Variants in CHODL observed in about 807,000 individuals in gnomAD.
The protein encoded by CHODL is chondrolectin.
In CHODL, 29 loss-of-function variants were observed where a neutral mutation model predicts 34.5. That is an observed-to-expected ratio of 0.84 (90% confidence interval 0.63 to 1.15). The LOEUF (loss-of-function observed/expected upper bound fraction) is 1.15, where lower values mean the gene tolerates loss of function less well. Among genes scored for constraint, CHODL ranks in the 50% most tolerant of loss-of-function variants. The pLI, the probability that CHODL is intolerant of heterozygous loss-of-function variation, is 0.00. For synonymous variants in CHODL, 125 were observed against 116.1 expected (o/e 1.08, Z -0.49); for missense variants, 332 against 332.5 (o/e 1.00, Z 0.01).
At chr21:18,082,112 G>A (rs368419301) in intron 2 of CHODL, among the ~76,000 whole-genome samples, 6 of 152,144 alleles carry the variant, frequency 3.9e-5, no homozygotes, top group South Asian at 4.1e-4. Flanking sequence ...TGATTGAATC[G>A]TGGGAGCAGA....
At chr21:18,070,542 T>C (rs2064790958) in intron 2 of CHODL, among the ~76,000 whole-genome samples, 1 of 152,186 alleles carries the variant, frequency 6.6e-6, no homozygotes, top group Non-Finnish European at 1.5e-5. Context: ...CTGCCTGCCT[T>C]TTGCTCAGCA....
intron 1 of CHODL, among the ~76,000 whole-genome samples, chr21:17,928,899 A>G (rs936310555): frequency 6.6e-6 from 1 of 152,230 alleles, no homozygotes; most frequent in African/African-American, 2.4e-5. Flanking sequence ...TCTGTATTTC[A>G]ATTTTTATTC....
At chr21:18,220,402 G>A (rs2073871302) in intron 2 of CHODL, among the ~76,000 whole-genome samples, 1 of 151,904 alleles carries the variant, frequency 6.6e-6, no homozygotes, top group African/African-American at 2.4e-5. Context: ...ATTTTTGTTT[G>A]TTTCTTTCTT....
At chr21:18,201,794 TA>T (rs1197038266) in intron 2 of CHODL, among the ~76,000 whole-genome samples, 2 of 148,834 alleles carry the variant, frequency 1.3e-5, no homozygotes, top group African/African-American at 2.5e-5. Context: ...TTCATATTTT[TA>T]AAAACTTTTT....
At chr21:17,959,273 T>C (rs2063514972) in intron 1 of CHODL, among the ~76,000 whole-genome samples, 1 of 152,158 alleles carries the variant, frequency 6.6e-6, no homozygotes, top group South Asian at 2.1e-4. Flanking sequence ...AATAACATGG[T>C]AATGAATCCA....
chr21:18,138,431 C>T (rs912960975), intron 2 of CHODL, among the ~76,000 whole-genome samples: 2 of 152,170 alleles, frequency 1.3e-5, no homozygotes, highest in African/African-American at 4.8e-5. Context: ...AATTCCTACT[C>T]ACCTCCTGTT....
At chr21:17,963,314 C>G (rs2254434) in intron 1 of CHODL, among the ~76,000 whole-genome samples, 9 of 152,024 alleles carry the variant, frequency 5.9e-5, no homozygotes, top group African/African-American at 2.2e-4. Context: ...AAAAATGATA[C>G]TAGAAGAAGG....
intron 2 of CHODL, among the ~76,000 whole-genome samples, chr21:18,036,186 T>C (rs1213347497): frequency 6.6e-6 from 1 of 152,014 alleles, no homozygotes; most frequent in Non-Finnish European, 1.5e-5. Context: ...GCAATACCTT[T>C]CTGAGTACTC....
chr21:18,222,214 G>T (rs1315200402), intron 2 of CHODL, among the ~76,000 whole-genome samples: 3 of 152,146 alleles, frequency 2.0e-5, no homozygotes, highest in Non-Finnish European at 2.9e-5. Flanking sequence ...GAGCCTCCCT[G>T]ATGTGCTGGA....
intron 2 of CHODL, among the ~76,000 whole-genome samples, chr21:18,097,419 C>T (rs1466976764): frequency 1.3e-5 from 2 of 152,052 alleles, no homozygotes; most frequent in Non-Finnish European, 2.9e-5. Context: ...AGCATTTCTA[C>T]ATGCCAACAG....
At position 18,117,668 on chromosome 21, in the gene CHODL, TC is replaced by T. The variant is rs1313686057; in HGVS notation, c.-45+89698del. Among the ~76,000 whole-genome samples, 14 of 152,004 alleles carry T rather than the reference TC, an allele frequency of 9.2e-5. No homozygotes were observed. In the South Asian group the frequency reaches 2.5e-3, roughly 27 times the overall value. ...AAATACAATAAAAAATGAGTTATTG[TC>T]ATTGTGACTTTAATTAAATAAGAAT... On this transcript the variant is annotated intron_variant, in intron 2 of 6. Transcript: ENST00000400127.
intron 2 of CHODL, among the ~76,000 whole-genome samples, chr21:18,173,758 A>G (rs2146664292): frequency 6.6e-6 from 1 of 152,202 alleles, no homozygotes; most frequent in South Asian, 2.1e-4. Context: ...TATATTGTTA[A>G]TACCAAGTTT....
At chr21:18,024,730 G>A (rs1332282610) in intron 1 of CHODL, 2 of 152,098 alleles carry the variant, frequency 1.3e-5, no homozygotes, top group African/African-American at 2.4e-5. Context: ...TAGAAGTCCT[G>A]TTGTATTGAG....
At chr21:18,032,076 A>T (rs755307825) in intron 2 of CHODL, among the ~76,000 whole-genome samples, 123 of 152,212 alleles carry the variant, frequency 8.1e-4, no homozygotes, top group African/African-American at 2.9e-3. Flanking sequence ...GGTAGGGGGA[A>T]CTTGGGAAGA....
At chr21:17,988,188 A>G in intron 1 of CHODL, among the ~76,000 whole-genome samples, 1 of 152,164 alleles carries the variant, frequency 6.6e-6, no homozygotes, top group East Asian at 1.9e-4. Context: ...GCCATGAGAA[A>G]AATGAAACAT....
At chr21:18,214,915 A>G (rs755696628) in intron 2 of CHODL, among the ~76,000 whole-genome samples, 35 of 152,146 alleles carry the variant, frequency 2.3e-4, no homozygotes, top group Admixed American at 7.2e-4. Flanking sequence ...AAAATTAACA[A>G]CATACATACA....
At chr21:18,005,799 T>TG (rs1355136458) in intron 1 of CHODL, among the ~76,000 whole-genome samples, 1 of 151,808 alleles carries the variant, frequency 6.6e-6, no homozygotes, top group Non-Finnish European at 1.5e-5. Flanking sequence ...CATGGACACA[T>TG]GGGGGGAAAC....
At chr21:18,115,054 T>C (rs936963146) in intron 2 of CHODL, 3 of 152,258 alleles carry the variant, frequency 2.0e-5, no homozygotes, top group Non-Finnish European at 4.4e-5. Flanking sequence ...GGTTTCAGGG[T>C]TGTATGTTAC....
intron 5 of CHODL, among the ~76,000 whole-genome samples, chr21:18,264,353 C>T (rs534257841): frequency 1.4e-4 from 21 of 152,128 alleles, no homozygotes; most frequent in Admixed American, 4.6e-4. Context: ...TTTGACAGGG[C>T]ATCCAGTAGA....
Sources: gnomAD v4.1 joint callset for allele counts (sites outside exome capture counted in the v4.1 genomes callset) on GRCh38, gnomAD v4.1.1 for gene constraint, MANE v1.5 for transcripts, NCBI Gene and HGNC (gene_info 2026-07-23, HGNC 2026-07-21) for gene names.